Variants in PAAF1 observed in about 807,000 individuals in gnomAD.
PAAF1 encodes proteasomal ATPase-associated factor 1.
Under a neutral mutation model 52.8 loss-of-function variants are expected in PAAF1, and 46 were observed. That is an observed-to-expected ratio of 0.87 (90% CI 0.69 to 1.11). The LOEUF (loss-of-function observed/expected upper bound fraction) is 1.11, where lower values mean the gene tolerates loss of function less well. Among genes scored for constraint, PAAF1 ranks in the 50% most tolerant of loss-of-function variants. The pLI, the probability that PAAF1 is intolerant of heterozygous loss-of-function variation, is 0.00. For synonymous variants in PAAF1, 178 were observed against 172.8 expected, an observed-to-expected ratio of 1.03 and a Z score of -0.24; for missense variants, 424 against 477.4, an observed-to-expected ratio of 0.89 and a Z score of 1.04.
At chr11:73,879,816 T>C (rs1948843385) in intron 2 of PAAF1, 1 of 151,170 alleles carries the variant, frequency 6.6e-6, no homozygotes, top group East Asian at 1.9e-4. Flanking sequence ...GAGGCTGCAG[T>C]GAGTTATGAT....
At chr11:73,916,149 C>A (rs1386575080) in intron 8 of PAAF1, among the ~76,000 whole-genome samples, 4 of 152,100 alleles carry the variant, frequency 2.6e-5, no homozygotes, top group African/African-American at 9.6e-5. Flanking sequence ...CTACAAAATA[C>A]CCTCCTTCAA....
In PAAF1 at chr11:73,891,545, G is replaced by T. The variant is rs562662733; in HGVS notation, c.282+344G>T. Among the ~76,000 whole-genome samples the T allele has an allele frequency of 1.4e-3, 216 of 152,284 alleles. 1 individual carries two copies. The highest frequency in any genetic ancestry group is 4.9e-3 in the African/African-American group (205 of 41,574). ...AATCCTAGCACTTTGGGAGGCAGAG[G>T]CAGGAGGATCACTTGAGGCCAAGAG... On this transcript the variant is annotated intron_variant, in intron 4 of 11. Coordinates refer to ENST00000310571, the MANE Select transcript of PAAF1 (RefSeq NM_025155.3).
chr11:73,913,661 G>A lies in PAAF1; in HGVS notation c.728-752G>A, dbSNP rs145655288. 6.5e-3 allele frequency among the ~76,000 whole-genome samples: 983 copies of A among 150,600 alleles called. 11 individuals are homozygous for A. The highest frequency in any genetic ancestry group is 0.023 in the African/African-American group (942 of 40,776). Reference sequence around the variant, plus strand: ...CACTATTTCCTTAGCAGTTAGAATAGTGTGTGATGTCATCACATAGAAGAT... The same window carrying A: ...CACTATTTCCTTAGCAGTTAGAATAATGTGTGATGTCATCACATAGAAGAT... On this transcript the variant is annotated intron_variant, in intron 7 of 11. Coordinates refer to ENST00000310571, the MANE Select transcript of PAAF1 (RefSeq NM_025155.3).
chr11:73,889,184 T>A (rs1949138311), intron 3 of PAAF1: 1 of 1,523,020 alleles, frequency 6.6e-7, no homozygotes, highest in African/African-American at 1.4e-5. Context: ...CTGGATACAG[T>A]CTTTATCACT....
intron 10 of PAAF1, among the ~76,000 whole-genome samples, chr11:73,924,127 C>T (rs186711100): frequency 3.9e-5 from 6 of 152,286 alleles, no homozygotes; most frequent in African/African-American, 1.2e-4. Flanking sequence ...CAGCCCAGCT[C>T]AGCATTCTAG....
intron 10 of PAAF1, chr11:73,921,980 T>A (rs1950231243): frequency 1.2e-6 from 1 of 853,066 alleles, no homozygotes; most frequent in African/African-American, 1.7e-5. Context: ...TAGACAGAGA[T>A]ACGTATATCA....
At chr11:73,908,415 G>A (rs28472323) in intron 6 of PAAF1, among the ~76,000 whole-genome samples, 4 of 137,028 alleles carry the variant, frequency 2.9e-5, no homozygotes, top group African/African-American at 1.1e-4. Flanking sequence ...ATATATGTGT[G>A]TATATATATA....
At chr11:73,907,137 C>T (rs1326090358) in intron 6 of PAAF1, among the ~76,000 whole-genome samples, 1 of 148,856 alleles carries the variant, frequency 6.7e-6, no homozygotes, top group African/African-American at 2.5e-5. Flanking sequence ...TTTTTTTATG[C>T]TGTGTATTCC....
chr11:73,886,546 T>C lies in PAAF1; in HGVS notation c.89-808T>C, dbSNP rs925437979. Among the ~76,000 whole-genome samples, 4 of 151,318 alleles carry C rather than the reference T, an allele frequency of 2.6e-5. No individual in the cohort carries two copies. The East Asian group carries it at 7.8e-4, about 29-fold the overall frequency. ...AAAAATTAGCCGACATGGTGGCGGGTGCCTGTAGTCCCAGCTGTTCGGAGG... is the reference window on the plus strand; with the variant it reads ...AAAAATTAGCCGACATGGTGGCGGGCGCCTGTAGTCCCAGCTGTTCGGAGG... On this transcript the variant is annotated intron_variant, in intron 2 of 11. Coordinates refer to ENST00000310571, the MANE Select transcript of PAAF1 (RefSeq NM_025155.3).
At chr11:73,888,833 G>GT (rs752167580) in intron 3 of PAAF1, 13 of 384,332 alleles carry the variant, frequency 3.4e-5, no homozygotes, top group Non-Finnish European at 5.5e-5. Context: ...CTGAGTCTCA[G>GT]TTTCCTCATC....
At chr11:73,921,847 G>T in intron 10 of PAAF1, 1 of 1,111,498 alleles carries the variant, frequency 9.0e-7, no homozygotes, top group Non-Finnish European at 1.4e-6. Flanking sequence ...GGGATACATT[G>T]CATTAAGTGG....
chr11:73,917,693 G>A (rs1379058164), intron 9 of PAAF1, among the ~76,000 whole-genome samples: 1 of 152,110 alleles, frequency 6.6e-6, no homozygotes, highest in Non-Finnish European at 1.5e-5. Context: ...CCAACATGGC[G>A]AAACCCTGTC....
intron 2 of PAAF1, among the ~76,000 whole-genome samples, chr11:73,886,372 T>C (rs939536456): frequency 6.6e-6 from 1 of 152,066 alleles, no homozygotes; most frequent in Non-Finnish European, 1.5e-5. Flanking sequence ...TAGCTTTTAG[T>C]CTTGAAAATG....
At chr11:73,905,497 CAGG>C (rs1949731749) in intron 6 of PAAF1, among the ~76,000 whole-genome samples, 1 of 152,170 alleles carries the variant, frequency 6.6e-6, no homozygotes, top group African/African-American at 2.4e-5. Flanking sequence ...GCTGGGATTA[CAGG>C]CATGAGCTAC....
chr11:73,925,609 C>A (rs764694549), intron 11 of PAAF1, among the ~76,000 whole-genome samples: 1 of 151,884 alleles, frequency 6.6e-6, no homozygotes, highest in Non-Finnish European at 1.5e-5. Context: ...ATTATTCATT[C>A]TTATTATTAT....
intron 5 of PAAF1, 108 bp downstream of exon 5, chr11:73,899,352 C>T: frequency 1.5e-6 from 1 of 649,162 alleles, no homozygotes; most frequent in Non-Finnish European, 2.7e-6. Context: ...TGTGGGACCA[C>T]TCTGCATGTC....
chr11:73,882,649 C>G (rs933390779), intron 2 of PAAF1, among the ~76,000 whole-genome samples: 3 of 152,078 alleles, frequency 2.0e-5, no homozygotes, highest in Non-Finnish European at 4.4e-5. Context: ...GTTGCCCAGG[C>G]TGGAGTGCAG....
At chr11:73,912,047 C>T (rs537540697) in intron 7 of PAAF1, among the ~76,000 whole-genome samples, 19 of 151,990 alleles carry the variant, frequency 1.3e-4, no homozygotes, top group Admixed American at 2.6e-4. Context: ...TTTTTCATGG[C>T]TTCTGTGATA....
intron 8 of PAAF1, 41 bp downstream of exon 8, chr11:73,914,545 TGG>T: frequency 6.5e-7 from 1 of 1,542,452 alleles, no homozygotes; most frequent in East Asian, 2.2e-5. Context: ...TGAGGCAACC[TGG>T]GTCACTCTGT....
Sources: allele counts gnomAD v4.1 joint callset (sites outside exome capture counted in the v4.1 genomes callset), GRCh38; gene constraint gnomAD v4.1.1; transcripts MANE v1.5; gene names NCBI Gene and HGNC (gene_info 2026-07-23, HGNC 2026-07-21).